Variants in AASS observed in about 807,000 individuals in gnomAD.
AASS encodes the protein alpha-aminoadipic semialdehyde synthase, mitochondrial.
In AASS, 86 loss-of-function variants were observed where a neutral mutation model predicts 105.4. That is an observed-to-expected ratio of 0.82 (90% CI 0.69 to 0.98). The LOEUF is 0.98. AASS is among the 50% of genes least tolerant of loss of function. The probability of loss-of-function intolerance (pLI) is 0.00; values close to 1 mark genes in which losing one functional copy is unlikely to be tolerated. For missense variants in AASS, 1,048 were observed against 1,143.2 expected, an observed-to-expected ratio of 0.92 and a Z score of 1.20; for synonymous variants, 381 against 394.8, an observed-to-expected ratio of 0.96 and a Z score of 0.41.
rs757915184 is a variant in AASS at position 122,092,905 on chromosome 7, G to A, written c.1813C>T (p.Pro605Ser). Residue 605 changes from proline (P) to serine (S), a missense_variant, in exon 17 of 24, where the codon CCT becomes TCT. Physicochemically the swap from Pro to Ser is moderately conservative, Grantham distance 74. Transcript: ENST00000417368. ...ATTGCTAACATGTGATCCAGACCAG[G>A]GTCCAATCCCAATTCACCAATGATT... ...ITIIGELGLD[P>S]GLDHMLAMET... 1.2e-6 allele frequency: 2 copies of A among 1,613,832 alleles called. No individual in the cohort carries two copies. Among genetic ancestry groups the A allele is most frequent in the South Asian group, 2.2e-5 (2 of 91,078 alleles).
intron 4 of AASS, among the ~76,000 whole-genome samples, chr7:122,124,991 C>T (rs958579569): frequency 1.3e-5 from 2 of 152,078 alleles, no homozygotes; most frequent in African/African-American, 2.4e-5. Flanking sequence ...GGCGTGATCT[C>T]GGCTCACTGC....
intron 20 of AASS, among the ~76,000 whole-genome samples, chr7:122,080,041 C>A (rs1463714653): frequency 6.6e-6 from 1 of 152,114 alleles, no homozygotes; most frequent in African/African-American, 2.4e-5. Flanking sequence ...ATCCATTCTC[C>A]CCCTACCCTC....
Position 122,079,022 on chromosome 7 carries a change from C to T in AASS, c.2397-72G>A. Reference sequence around the variant, plus strand: ...TTCTCATTTGGGAAGCAAAAGGGAGCTCCTTGAATTTAATCTTGAAAGGGC... The same window carrying T: ...TTCTCATTTGGGAAGCAAAAGGGAGTTCCTTGAATTTAATCTTGAAAGGGC... On this transcript the variant is annotated intron_variant, in intron 21 of 23. Transcript: ENST00000417368. 4 of 1,612,184 alleles carry T rather than the reference C, an allele frequency of 2.5e-6. No homozygotes were observed. The South Asian group carries it at 4.4e-5, about 18-fold the overall frequency.
At chr7:122,081,654 A>C in intron 19 of AASS, 59 bp from the exon 20 acceptor site, 3 of 1,257,112 alleles carry the variant, frequency 2.4e-6, no homozygotes, top group Non-Finnish European at 3.5e-6. Flanking sequence ...AAAAAACTTA[A>C]AATATTTTTG....
At chr7:122,083,703 T>C (rs1300871943) in intron 19 of AASS, among the ~76,000 whole-genome samples, 2 of 151,880 alleles carry the variant, frequency 1.3e-5, no homozygotes, top group South Asian at 2.1e-4. Context: ...CTCACATAGA[T>C]GGGGCTGGGT....
At chr7:122,084,897 T>C (rs1358077456) in intron 19 of AASS, among the ~76,000 whole-genome samples, 1 of 152,094 alleles carries the variant, frequency 6.6e-6, no homozygotes, top group Non-Finnish European at 1.5e-5. Flanking sequence ...CAGTCAGGTC[T>C]CTGATCCTGA....
At chr7:122,101,470 G>A (rs760597150) in intron 12 of AASS, 32 bp from the exon 13 acceptor site, 11 of 1,575,140 alleles carry the variant, frequency 7.0e-6, no homozygotes, top group Non-Finnish European at 9.6e-6. Context: ...CATTTCTTTA[G>A]TATCCACATT....
intron 23 of AASS, among the ~76,000 whole-genome samples, chr7:122,077,339 G>A (rs1203277028): frequency 6.6e-6 from 1 of 152,112 alleles, no homozygotes; most frequent in Non-Finnish European, 1.5e-5. Context: ...ATAATATGCT[G>A]AGATATGAAG....
At chr7:122,126,257 T>C in intron 4 of AASS, 118 bp downstream of exon 4, 1 of 889,884 alleles carries the variant, frequency 1.1e-6, no homozygotes, top group Admixed American at 1.7e-5. Context: ...CATACCTTCA[T>C]TTTAATTTTT....
At chr7:122,126,920 A>C (rs1284395983) in intron 3 of AASS, among the ~76,000 whole-genome samples, 1 of 152,076 alleles carries the variant, frequency 6.6e-6, no homozygotes, top group African/African-American at 2.4e-5. Context: ...TTCTTGCATC[A>C]TCCATCTTTA....
rs769390625 is a variant in AASS at position 122,126,453 on chromosome 7, G to A, written c.394C>T (p.Arg132Cys). 148 of 1,613,290 alleles carry A rather than the reference G, an allele frequency of 9.2e-5. No individual in the cohort carries two copies. Among genetic ancestry groups the A allele is most frequent in the Non-Finnish European group, 1.1e-4 (132 of 1,179,620 alleles). ...LLDEILKQEI[R>C]LIDYEKMVDH... is the part of the protein sequence containing the mutation. ...ACCATTTTCTCATAATCAATAAGGC[G>A]AATTTCCTGAAAAGAGGATAAAAAA... The change falls in exon 4 of 24, where the codon CGC (arginine) becomes TGC (cysteine). Residue 132 changes from arginine to cysteine, a missense_variant. Transcript: ENST00000417368.
intron 11 of AASS, among the ~76,000 whole-genome samples, chr7:122,111,676 G>T (rs923199241): frequency 6.6e-6 from 1 of 152,096 alleles, no homozygotes; most frequent in Non-Finnish European, 1.5e-5. Context: ...GGCCGAGGCG[G>T]GTGGATCACG....
intron 15 of AASS, among the ~76,000 whole-genome samples, chr7:122,097,417 A>G (rs1489688411): frequency 6.6e-6 from 1 of 152,014 alleles, no homozygotes; most frequent in Admixed American, 6.6e-5. Context: ...CAGGTTTGTT[A>G]TACAGGTAAA....
intron 19 of AASS, among the ~76,000 whole-genome samples, chr7:122,083,160 A>G (rs1344596736): frequency 6.6e-6 from 1 of 152,188 alleles, no homozygotes; most frequent in Non-Finnish European, 1.5e-5. Flanking sequence ...CTGGCCAACT[A>G]GCAATTTTCC....
intron 4 of AASS, among the ~76,000 whole-genome samples, chr7:122,119,348 A>T (rs1795332748): frequency 6.6e-6 from 1 of 152,126 alleles, no homozygotes; most frequent in Non-Finnish European, 1.5e-5. Flanking sequence ...AATTTCAAGT[A>T]CTATCTATAT....
chr7:122,125,738 G>A (rs1795628566), intron 4 of AASS, among the ~76,000 whole-genome samples: 2 of 152,166 alleles, frequency 1.3e-5, no homozygotes, highest in South Asian at 4.1e-4. Context: ...TAAGCCTGCC[G>A]GGGCAAATAT....
At chr7:122,123,645 C>A (rs993560320) in intron 4 of AASS, among the ~76,000 whole-genome samples, 4 of 152,170 alleles carry the variant, frequency 2.6e-5, no homozygotes, top group African/African-American at 9.7e-5. Flanking sequence ...AGAAAGGAAG[C>A]TATTTACCTT....
intron 1 of AASS, among the ~76,000 whole-genome samples, chr7:122,138,338 A>G (rs1796246095): frequency 1.3e-5 from 2 of 152,122 alleles, no homozygotes; most frequent in Admixed American, 1.3e-4. Context: ...CCCTATATAT[A>G]CTATGTTTTT....
rs1792882039 is a variant in AASS, at chr7:122,073,917, T to C, written c.*2572A>G. Among the ~76,000 whole-genome samples the C allele has an allele frequency of 6.6e-6, 1 of 152,206 alleles. No homozygotes were observed. Among genetic ancestry groups the C allele is most frequent in the Non-Finnish European group, 1.5e-5 (1 of 68,038 alleles). ...GTGGTGCATATCAGTACTTCATCTC[T>C]TTTTTTATTGCTGAATAATATTCCT... On this transcript the variant is annotated 3_prime_UTR_variant, in exon 24 of 24. Coordinates refer to ENST00000417368, the MANE Select transcript of AASS (RefSeq NM_005763.4).
Sources: allele counts gnomAD v4.1 joint callset (sites outside exome capture counted in the v4.1 genomes callset), GRCh38; gene constraint gnomAD v4.1.1; transcripts MANE v1.5; gene names NCBI Gene and HGNC (gene_info 2026-07-23, HGNC 2026-07-21).